The following ATR variants were observed in gnomAD, a reference collection of about 807,000 sequenced individuals.
ATR encodes serine/threonine-protein kinase ATR.
ATR carries 142 observed loss-of-function variants against 305.3 expected under a neutral mutation model. That is an observed-to-expected ratio of 0.47 (90% CI 0.41 to 0.53). The LOEUF is 0.53. ATR is among the 20% of genes least tolerant of loss of function. The pLI, the probability that ATR is intolerant of heterozygous loss-of-function variation, is 0.00. For missense variants in ATR, 2,135 were observed against 3,133.1 expected (o/e 0.68, Z 7.60); for synonymous variants, 1,050 against 1,068.1 (o/e 0.98, Z 0.33).
At chr3:142,490,636 C>T (rs1220646763) in intron 35 of ATR, among the ~76,000 whole-genome samples, 3 of 152,092 alleles carry the variant, frequency 2.0e-5, no homozygotes, top group Non-Finnish European at 2.9e-5. Flanking sequence ...ATAATTTTAG[C>T]TTTTCAGTTT....
intron 20 of ATR, 134 bp from the exon 21 acceptor site, chr3:142,535,339 C>A (rs371597580): frequency 1.0e-6 from 1 of 976,342 alleles, no homozygotes; most frequent in Non-Finnish European, 1.5e-6. Flanking sequence ...AATTTCCATT[C>A]CTTCCTTTGT....
rs183439558 is a variant in ATR at position 142,525,435 on chromosome 3, A to C, written c.3946-1236T>G. On this transcript the variant is annotated intron_variant, in intron 21 of 46. Coordinates refer to ENST00000350721, the MANE Select transcript of ATR (RefSeq NM_001184.4). Reference sequence around the variant, plus strand: ...TATAAACCTCCTACAGTTAAAAAAAAAACAACTTTGGTGACATTTTCATTG... The same window carrying C: ...TATAAACCTCCTACAGTTAAAAAAACAACAACTTTGGTGACATTTTCATTG... Among the ~76,000 whole-genome samples, 868 of 152,318 alleles carry C rather than the reference A, an allele frequency of 5.7e-3. 11 individuals carry two copies. The highest frequency in any genetic ancestry group is 0.02 in the African/African-American group (835 of 41,560).
intron 36 of ATR, 121 bp downstream of exon 36, chr3:142,485,019 T>C: frequency 1.4e-6 from 2 of 1,414,736 alleles, no homozygotes; most frequent in Non-Finnish European, 2.0e-6. Flanking sequence ...TCTAAGGTGA[T>C]ACACTGAATC....
At chr3:142,549,706 C>T in intron 14 of ATR, 33 bp from the exon 15 acceptor site, 6 of 1,596,776 alleles carry the variant, frequency 3.8e-6, no homozygotes, top group Non-Finnish European at 5.1e-6. Flanking sequence ...CCAAAAAGTA[C>T]ATTTGTCTGG....
intron 41 of ATR, among the ~76,000 whole-genome samples, chr3:142,464,196 G>T (rs1200399649): frequency 6.6e-6 from 1 of 152,106 alleles, no homozygotes; most frequent in African/African-American, 2.4e-5. Flanking sequence ...CATGATCATA[G>T]CTCACTGTAG....
intron 13 of ATR, among the ~76,000 whole-genome samples, chr3:142,551,520 C>T (rs2034468172): frequency 6.6e-6 from 1 of 152,134 alleles, no homozygotes; most frequent in African/African-American, 2.4e-5. Context: ...AATAAGATGA[C>T]ACACCTACAA....
chr3:142,535,862 G>A (rs531615983), intron 20 of ATR, among the ~76,000 whole-genome samples: 1 of 152,112 alleles, frequency 6.6e-6, no homozygotes. Context: ...GGTAGTAAAG[G>A]CATAAGAATT....
chr3:142,555,382 A>G (rs79902118), intron 10 of ATR, among the ~76,000 whole-genome samples: 2,700 of 152,196 alleles, frequency 0.018, 29 homozygotes, highest in South Asian at 0.041. Flanking sequence ...ACAAGTTTCA[A>G]CTTACTACCT....
intron 34 of ATR, among the ~76,000 whole-genome samples, chr3:142,493,787 G>A (rs1420171672): frequency 6.6e-6 from 1 of 151,928 alleles, no homozygotes; most frequent in African/African-American, 2.4e-5. Flanking sequence ...AGGATCGCTT[G>A]AGCCCAGGAA....
chr3:142,552,669 C>CAAAAAAAAAAA (rs143475912), intron 13 of ATR, among the ~76,000 whole-genome samples: 1 of 93,328 alleles, frequency 1.1e-5, no homozygotes. Flanking sequence ...TACTCCATCT[C>CAAAAAAAAAAA]AAAAAAAAAA....
chr3:142,450,769 C>T (rs931088760), intron 46 of ATR: 85 of 1,481,718 alleles, frequency 5.7e-5, no homozygotes, highest in African/African-American at 5.3e-4. Flanking sequence ...TAATATCATT[C>T]GTTATCACAC....
Position 142,556,488 on chromosome 3 carries a change from C to A in ATR, c.1973G>T (p.Trp658Leu). 6.2e-7 allele frequency: 1 copy of A among 1,614,038 alleles called. No individual in the cohort carries two copies. Among genetic ancestry groups the A allele is most frequent in the African/African-American group, 1.3e-5 (1 of 75,034 alleles). Residue 658 changes from tryptophan to leucine, a missense_variant, in exon 9 of 47, where the codon TGG becomes TTG. Physicochemically the swap from Trp to Leu is moderately conservative, Grantham distance 61 (BLOSUM62 -2). Transcript: ENST00000350721. ...TACTTCATGGGAGCTCTGCAGGGCC[C>A]AGTTGTAAACTGCTGTTCTCCACTC... ...FLEWRTAVYN[W>L]ALQSSHEVIR...
intron 28 of ATR, 76 bp from the exon 29 acceptor site, chr3:142,505,379 T>A: frequency 6.4e-7 from 1 of 1,563,996 alleles, no homozygotes; most frequent in South Asian, 1.1e-5. Context: ...AACCACCTGT[T>A]TATATTGAAA....
intron 42 of ATR, among the ~76,000 whole-genome samples, chr3:142,461,115 C>T (rs1416869228): frequency 6.6e-6 from 1 of 151,968 alleles, no homozygotes; most frequent in African/African-American, 2.4e-5. Flanking sequence ...GAGTTCGGAC[C>T]AGTTATATTT....
chr3:142,566,384 T>G (rs1384958084), intron 2 of ATR, 123 bp from the exon 3 acceptor site: 8 of 1,078,804 alleles, frequency 7.4e-6, no homozygotes, highest in African/African-American at 1.6e-5. Flanking sequence ...TTTGGGAGGC[T>G]GAAGTGGGCG....
chr3:142,521,875 A>G (rs1041254363), intron 23 of ATR, among the ~76,000 whole-genome samples: 1 of 152,002 alleles, frequency 6.6e-6, no homozygotes, highest in Non-Finnish European at 1.5e-5. Flanking sequence ...ACAACGAAGG[A>G]TTTAGAACAT....
At chr3:142,486,884 G>C (rs774036011) in intron 35 of ATR, among the ~76,000 whole-genome samples, 1 of 150,444 alleles carries the variant, frequency 6.6e-6, no homozygotes, top group Non-Finnish European at 1.5e-5. Context: ...GGGAGGCCCA[G>C]GTGGGCGGAT....
In ATR at chr3:142,550,257, T is replaced by G. The variant is rs200669405; in HGVS notation, c.2851A>C (p.Asn951His). 329 of 1,614,174 alleles carry G rather than the reference T, an allele frequency of 2.0e-4. 3 individuals carry two copies. Among genetic ancestry groups the G allele is most frequent in the Non-Finnish European group, 8.5e-6 (10 of 1,180,016 alleles). ...ACGTCAGCATTCTGGCATGGAGTAT[T>G]CGGAAGTGCTGTCATCTGACTAGAG... ...LHSSQMTALP[N>H]TPCQNADVRK... The change falls in exon 14 of 47, where the codon AAT becomes CAT. Residue 951 changes from asparagine to histidine, a missense_variant. Transcript: ENST00000350721.
chr3:142,577,551 G>T (rs1473866752), intron 1 of ATR, among the ~76,000 whole-genome samples: 1 of 152,148 alleles, frequency 6.6e-6, no homozygotes, highest in East Asian at 1.9e-4. Flanking sequence ...CGACAAGAAT[G>T]GTCCCTTCAT....
Sources: allele counts gnomAD v4.1 joint callset (sites outside exome capture counted in the v4.1 genomes callset), GRCh38; gene constraint gnomAD v4.1.1; transcripts MANE v1.5; gene names NCBI Gene and HGNC (gene_info 2026-07-23, HGNC 2026-07-21).